CDKL4: variants seen among roughly 807,000 people sequenced by gnomAD.
CDKL4 encodes cyclin dependent kinase like 4.
A neutral mutation model predicts 42.0 loss-of-function variants in CDKL4; 44 were observed. The ratio of observed to expected loss-of-function variants is 1.05; its 90% CI spans 0.82 to 1.35. CDKL4 has a LOEUF of 1.35. Ranked by LOEUF, CDKL4 falls within the 40% of genes most tolerant of loss-of-function variation. The pLI, the probability that CDKL4 is intolerant of heterozygous loss-of-function variation, is 0.00. For missense variants in CDKL4, 393 were observed against 369.9 expected, an observed-to-expected ratio of 1.06 and a Z score of -0.51; for synonymous variants, 120 against 121.6, an observed-to-expected ratio of 0.99 and a Z score of 0.09.
At chr2:39,241,472 T>A (rs938559838) in intron 1 of CDKL4, among the ~76,000 whole-genome samples, 3 of 60,378 alleles carry the variant, frequency 5.0e-5, no homozygotes, top group African/African-American at 8.3e-5. Context: ...ATCAACAGGA[T>A]GAGATATCAT....
chr2:39,173,174 G>A (rs547823317), downstream of CDKL4, among the ~76,000 whole-genome samples: 1 of 152,170 alleles, frequency 6.6e-6, no homozygotes, highest in South Asian at 2.1e-4. Flanking sequence ...TTTTATGTGT[G>A]TATATATGGA....
At chr2:39,212,111 A>G (rs1370489424) in intron 4 of CDKL4, among the ~76,000 whole-genome samples, 1 of 152,198 alleles carries the variant, frequency 6.6e-6, no homozygotes, top group East Asian at 1.9e-4. Flanking sequence ...TTGGGGCCCT[A>G]CCCAAGACTG....
At chr2:39,178,120 T>C (rs1172023830) in intron 9 of CDKL4, among the ~76,000 whole-genome samples, 1 of 152,206 alleles carries the variant, frequency 6.6e-6, no homozygotes, top group African/African-American at 2.4e-5. Flanking sequence ...TGCAAACATT[T>C]AATAGCAAAA....
intron 3 of CDKL4, among the ~76,000 whole-genome samples, chr2:39,214,140 C>A (rs1201832926): frequency 1.3e-5 from 2 of 152,086 alleles, no homozygotes; most frequent in East Asian, 1.9e-4. Flanking sequence ...CCAGGCTGGT[C>A]TTGAACTCTC....
In CDKL4 at chr2:39,225,865, TA is replaced by T; in HGVS notation, c.263del (p.Leu88Ter). ...CATTTGGGTTTCTTTCCAGCTCATT[TA>T]AAAGTGTATGATCACAGTATTCAAA... On this transcript the variant is annotated frameshift_variant, in exon 3 of 10. Transcript: ENST00000451199. LOFTEE classifies it high-confidence loss of function. 6.2e-7 allele frequency: 1 copy of T among 1,606,486 alleles called. No individual in the cohort carries two copies. Among genetic ancestry groups the T allele is most frequent in the South Asian group, 1.1e-5 (1 of 89,878 alleles).
chr2:39,202,846 G>A (rs548506794), intron 5 of CDKL4, among the ~76,000 whole-genome samples: 1 of 152,252 alleles, frequency 6.6e-6, no homozygotes, highest in Admixed American at 6.5e-5. Flanking sequence ...CATTATAAAT[G>A]GCCAACAATG....
chr2:39,195,641 A>ATTT lies in CDKL4; in HGVS notation c.455-5142_455-5140dup, dbSNP rs770948985. 1.0e-2 allele frequency among the ~76,000 whole-genome samples: 1,309 copies of ATTT among 131,420 alleles called. 25 individuals are homozygous for ATTT. Among genetic ancestry groups the ATTT allele is most frequent in the African/African-American group, 0.035 (1,239 of 35,206 alleles). The allele number at this position is 131,420 out of a possible 152,430, so 86.2% of individuals were successfully genotyped here. A position where few individuals can be genotyped will look rare whatever the true frequency, so the allele number is the denominator to read the frequency against. On this transcript the variant is annotated intron_variant, in intron 5 of 9. Coordinates refer to ENST00000451199, the Ensembl canonical transcript of CDKL4. ...TTTTTATTTTTTACATTTTTAATTA[A>ATTT]TTTTTTTTTTTTTTTTTTTGAGACA...
intron 9 of CDKL4, among the ~76,000 whole-genome samples, chr2:39,176,842 C>A (rs1338288653): frequency 1.3e-5 from 2 of 150,898 alleles, no homozygotes; most frequent in Admixed American, 6.6e-5. Context: ...AATGAAAAGA[C>A]TTTTTTCTGT....
At chr2:39,234,772 C>A (rs1206730385) in intron 1 of CDKL4, among the ~76,000 whole-genome samples, 1 of 152,048 alleles carries the variant, frequency 6.6e-6, no homozygotes. Flanking sequence ...GAGCAATATA[C>A]ATTACAAAGT....
At chr2:39,228,145 T>C (rs1006335215) in intron 2 of CDKL4, among the ~76,000 whole-genome samples, 3 of 152,220 alleles carry the variant, frequency 2.0e-5, no homozygotes, top group South Asian at 2.1e-4. Context: ...GCATTAACTT[T>C]ATCTGAAGAC....
intron 1 of CDKL4, among the ~76,000 whole-genome samples, chr2:39,234,743 G>C (rs1279103729): frequency 6.6e-6 from 1 of 152,152 alleles, no homozygotes; most frequent in Non-Finnish European, 1.5e-5. Context: ...GAGGATTAGA[G>C]TGACATCAGA....
intron 5 of CDKL4, among the ~76,000 whole-genome samples, chr2:39,194,317 TCAAAAATA>T (rs1188730316): frequency 2.0e-5 from 3 of 152,084 alleles, no homozygotes; most frequent in Non-Finnish European, 2.9e-5. Flanking sequence ...ATTAGCCCTA[TCAAAAATA>T]CAAAAATACA....
intron 7 of CDKL4, among the ~76,000 whole-genome samples, chr2:39,184,897 G>A (rs1675632841): frequency 6.6e-6 from 1 of 151,690 alleles, no homozygotes; most frequent in South Asian, 2.1e-4. Flanking sequence ...ACCACACACA[G>A]CTAATTTTTT....
chr2:39,182,988 A>G (rs1010300514), intron 8 of CDKL4, among the ~76,000 whole-genome samples: 2 of 152,320 alleles, frequency 1.3e-5, no homozygotes, highest in African/African-American at 4.8e-5. Flanking sequence ...ATTTGCCATT[A>G]AAGATGTCTT....
At position 39,234,829 on chromosome 2, in the gene CDKL4, A is replaced by G. The variant is rs183034389; in HGVS notation, c.-56-5241T>C. ...ACTCAAGGGAAAATGAAAATCAAGGATTTTATATTCAGCCAAGGTGTGTCC... is the reference window on the plus strand; with the variant it reads ...ACTCAAGGGAAAATGAAAATCAAGGGTTTTATATTCAGCCAAGGTGTGTCC... On this transcript the variant is annotated intron_variant, in intron 1 of 9. Transcript: ENST00000451199. Among the ~76,000 whole-genome samples the G allele has an allele frequency of 1.6e-3, 242 of 152,228 alleles. 1 individual carries two copies. The highest frequency in any genetic ancestry group is 1.5e-3 in the Non-Finnish European group (103 of 68,014).
chr2:39,199,170 C>G (rs908965146), intron 5 of CDKL4, among the ~76,000 whole-genome samples: 1 of 151,978 alleles, frequency 6.6e-6, no homozygotes, highest in Non-Finnish European at 1.5e-5. Context: ...ATAACTGATA[C>G]CACAGAAATA....
chr2:39,245,099 C>G (rs563467409), upstream of CDKL4, among the ~76,000 whole-genome samples: 156 of 152,296 alleles, frequency 1.0e-3, no homozygotes, highest in African/African-American at 3.7e-3. Context: ...GCTGCACGAG[C>G]GAGCAGTGGC....
At chr2:39,199,779 A>G (rs980441259) in intron 5 of CDKL4, among the ~76,000 whole-genome samples, 1 of 152,170 alleles carries the variant, frequency 6.6e-6, no homozygotes, top group African/African-American at 2.4e-5. Flanking sequence ...ACTTGACAAA[A>G]TTCAGCATTG....
chr2:39,244,307 C>G (rs1276092224), upstream of CDKL4, among the ~76,000 whole-genome samples: 3 of 152,238 alleles, frequency 2.0e-5, no homozygotes, highest in Non-Finnish European at 4.4e-5. Flanking sequence ...GGGCTGCGCA[C>G]GGCGCTTGCG....
Sources: allele counts gnomAD v4.1 joint callset (sites outside exome capture counted in the v4.1 genomes callset), GRCh38; gene constraint gnomAD v4.1.1; transcripts MANE v1.5; gene names NCBI Gene and HGNC (gene_info 2026-07-23, HGNC 2026-07-21).